BICRAL: variants seen among roughly 807,000 people sequenced by gnomAD.
BICRAL encodes BRD4-interacting chromatin-remodeling complex-associated protein-like.
Under a neutral mutation model 91.8 loss-of-function variants are expected in BICRAL, and 8 were observed. That is an observed-to-expected ratio of 0.09 (90% CI 0.05 to 0.16). The LOEUF is 0.16. Ranked by LOEUF, BICRAL falls within the 10% of genes least tolerant of loss-of-function variation. The pLI is 1.00. For synonymous variants in BICRAL, 445 were observed against 491.1 expected, an observed-to-expected ratio of 0.91 and a Z score of 1.24; for missense variants, 1,038 against 1,310.9, an observed-to-expected ratio of 0.79 and a Z score of 3.21.
chr6:42,796,048 C>A (rs905682173), intron 1 of BICRAL, among the ~76,000 whole-genome samples: 3 of 152,176 alleles, frequency 2.0e-5, no homozygotes, highest in African/African-American at 7.2e-5. Context: ...GTGAGAGCAT[C>A]TATTCATTTA....
intron 1 of BICRAL, among the ~76,000 whole-genome samples, chr6:42,759,083 C>T (rs1393672651): frequency 1.3e-5 from 2 of 152,146 alleles, no homozygotes; most frequent in African/African-American, 4.8e-5. Context: ...GGGAGTGGGG[C>T]CTTGGCATCA....
intron 1 of BICRAL, among the ~76,000 whole-genome samples, chr6:42,806,291 A>T (rs12192935): frequency 6.6e-6 from 1 of 152,150 alleles, no homozygotes; most frequent in Non-Finnish European, 1.5e-5. Flanking sequence ...CCCAGGGGCA[A>T]CTAGTAACCC....
At chr6:42,821,969 C>T in intron 2 of BICRAL, 49 bp from the exon 3 acceptor site, 1 of 1,194,590 alleles carries the variant, frequency 8.4e-7, no homozygotes, top group Non-Finnish European at 1.2e-6. Flanking sequence ...ATACTACTGT[C>T]TTTAATCTGC....
chr6:42,782,533 G>C (rs930334168), intron 1 of BICRAL, among the ~76,000 whole-genome samples: 2 of 151,644 alleles, frequency 1.3e-5, no homozygotes, highest in African/African-American at 4.8e-5. Context: ...GCGCCTCGGC[G>C]GGGTGGGGGC....
At chr6:42,809,430 ATTTTT>A (rs989054840) in intron 1 of BICRAL, among the ~76,000 whole-genome samples, 2 of 111,946 alleles carry the variant, frequency 1.8e-5, no homozygotes, top group South Asian at 2.8e-4. Flanking sequence ...AACTATGAGA[ATTTTT>A]TTTTTTTTTT....
chr6:42,824,033 C>T (rs957741191), intron 5 of BICRAL, among the ~76,000 whole-genome samples: 2 of 151,894 alleles, frequency 1.3e-5, no homozygotes, highest in East Asian at 1.9e-4. Flanking sequence ...GTCAGGAGAT[C>T]GAGACCATCC....
intron 1 of BICRAL, among the ~76,000 whole-genome samples, chr6:42,766,957 G>A (rs374765372): frequency 5.3e-5 from 8 of 151,790 alleles, no homozygotes; most frequent in African/African-American, 1.7e-4. Context: ...GGAGAATGGC[G>A]TGAACCCGGA....
At chr6:42,815,487 C>G (rs1763966314) in intron 2 of BICRAL, among the ~76,000 whole-genome samples, 1 of 151,980 alleles carries the variant, frequency 6.6e-6, no homozygotes, top group African/African-American at 2.4e-5. Flanking sequence ...CCACCGTGCC[C>G]AGCCCAGAAT....
At chr6:42,841,830 TG>T (rs1366928493) in intron 6 of BICRAL, among the ~76,000 whole-genome samples, 1 of 152,196 alleles carries the variant, frequency 6.6e-6, no homozygotes, top group African/African-American at 2.4e-5. Context: ...GCAGAGAATA[TG>T]GGGGTTCAGA....
intron 6 of BICRAL, among the ~76,000 whole-genome samples, chr6:42,844,122 A>G (rs919557743): frequency 1.3e-5 from 2 of 150,790 alleles, no homozygotes; most frequent in Admixed American, 6.6e-5. Context: ...TTTCAACTGA[A>G]GCAATGGGAG....
At chr6:42,834,445 C>A (rs934272080) in intron 6 of BICRAL, among the ~76,000 whole-genome samples, 1 of 152,132 alleles carries the variant, frequency 6.6e-6, no homozygotes, top group Non-Finnish European at 1.5e-5. Context: ...ATTGATGATT[C>A]CTGATTGAAT....
chr6:42,751,194 G>A (rs2152018969), intron 1 of BICRAL, among the ~76,000 whole-genome samples: 1 of 150,208 alleles, frequency 6.7e-6, no homozygotes, highest in South Asian at 2.1e-4. Context: ...TTATTTGAAA[G>A]ATGTGGTCAG....
At chr6:42,817,528 T>G (rs1166558476) in intron 2 of BICRAL, among the ~76,000 whole-genome samples, 1 of 151,364 alleles carries the variant, frequency 6.6e-6, no homozygotes, top group Non-Finnish European at 1.5e-5. Context: ...TTGGCTGGAG[T>G]GCAGTGGTGT....
chr6:42,766,403 A>AGT (rs1762633145), intron 1 of BICRAL, among the ~76,000 whole-genome samples: 1 of 152,182 alleles, frequency 6.6e-6, no homozygotes, highest in Admixed American at 6.5e-5. Context: ...ACTACAATAA[A>AGT]GTCACCTGTG....
At position 42,756,922 on chromosome 6, in the gene BICRAL, C is replaced by G. The variant is rs556726936; in HGVS notation, c.-261+9899C>G. Reference sequence around the variant, plus strand: ...TCTCTCTCTCTCTCTCTCCCTCTCCCCCCCCCCCACCCTCCCTCTCTCCCT... The same window carrying G: ...TCTCTCTCTCTCTCTCTCCCTCTCCGCCCCCCCCACCCTCCCTCTCTCCCT... On this transcript the variant is annotated intron_variant, in intron 1 of 14. Coordinates refer to the BICRAL transcript ENST00000614467. 6.7e-4 allele frequency among the ~76,000 whole-genome samples: 67 copies of G among 100,236 alleles called. 2 individuals carry two copies. Among genetic ancestry groups the G allele is most frequent in the South Asian group, 1.9e-3 (4 of 2,098 alleles). The allele number at this position is 100,236 out of a possible 152,430, so 65.8% of individuals were successfully genotyped here.
chr6:42,797,044 CA>C (rs1192829085), intron 1 of BICRAL, among the ~76,000 whole-genome samples: 956 of 44,282 alleles, frequency 0.022, 3 homozygotes, highest in Non-Finnish European at 0.029. Flanking sequence ...AACTCTGTCT[CA>C]AAAAAAAAAA....
chr6:42,756,919 T>TCCC (rs780265578), intron 1 of BICRAL, among the ~76,000 whole-genome samples: 4 of 69,362 alleles, frequency 5.8e-5, no homozygotes, highest in African/African-American at 2.3e-4. Flanking sequence ...TCTCTCCCTC[T>TCCC]CCCCCCCCCC....
At chr6:42,762,819 C>G (rs1303761831) in intron 1 of BICRAL, among the ~76,000 whole-genome samples, 1 of 151,902 alleles carries the variant, frequency 6.6e-6, no homozygotes, top group African/African-American at 2.4e-5. Flanking sequence ...TCCCAGCTAC[C>G]CAGGTGACTG....
At chr6:42,864,082 G>A (rs1428943298) in intron 12 of BICRAL, among the ~76,000 whole-genome samples, 2 of 151,708 alleles carry the variant, frequency 1.3e-5, no homozygotes, top group Non-Finnish European at 1.5e-5. Flanking sequence ...CAGGAGAATC[G>A]CTTGAACCGA....
Sources: allele counts gnomAD v4.1 joint callset (sites outside exome capture counted in the v4.1 genomes callset), GRCh38; gene constraint gnomAD v4.1.1; transcripts MANE v1.5; gene names NCBI Gene and HGNC (gene_info 2026-07-23, HGNC 2026-07-21).